APP: variants seen among roughly 807,000 people sequenced by gnomAD.
The protein encoded by APP is amyloid-beta precursor protein.
Under a neutral mutation model 101.4 loss-of-function variants are expected in APP, and 31 were observed. That is an observed-to-expected ratio of 0.31 (90% CI 0.23 to 0.41). The LOEUF (loss-of-function observed/expected upper bound fraction) is 0.41, where lower values mean the gene tolerates loss of function less well. Among genes scored for constraint, APP ranks in the 10% least tolerant of loss-of-function variants. The pLI is 1.00. For synonymous variants in APP, 366 were observed against 364.4 expected, an observed-to-expected ratio of 1.00 and a Z score of -0.05; for missense variants, 839 against 1,003.7, an observed-to-expected ratio of 0.84 and a Z score of 2.22.
chr21:26,090,577 G>A (rs1429518080), intron 2 of APP, among the ~76,000 whole-genome samples: 2 of 152,172 alleles, frequency 1.3e-5, no homozygotes, highest in African/African-American at 4.8e-5. Context: ...TTCCAGGGGA[G>A]CTAAAATAGA....
chr21:26,116,261 A>G (rs1173811528), intron 1 of APP, among the ~76,000 whole-genome samples: 2 of 152,220 alleles, frequency 1.3e-5, no homozygotes, highest in Non-Finnish European at 2.9e-5. Flanking sequence ...TAAAAACAGA[A>G]AGAAAATATT....
At chr21:26,117,249 G>C (rs1365747375) in intron 1 of APP, among the ~76,000 whole-genome samples, 1 of 152,138 alleles carries the variant, frequency 6.6e-6, no homozygotes, top group Non-Finnish European at 1.5e-5. Context: ...CCCTTAACCT[G>C]GGCATAATTC....
intron 11 of APP, among the ~76,000 whole-genome samples, chr21:25,957,998 C>A (rs1034957844): frequency 6.6e-6 from 1 of 151,496 alleles, no homozygotes; most frequent in Non-Finnish European, 1.5e-5. Context: ...TTAAAAAAAA[C>A]AAAAAACAAA....
intron 3 of APP, among the ~76,000 whole-genome samples, chr21:26,073,728 A>T (rs149496067): frequency 6.6e-6 from 1 of 152,322 alleles, no homozygotes; most frequent in African/African-American, 2.4e-5. Flanking sequence ...GAAGTCAAAG[A>T]TCAGATACAA....
chr21:26,039,532 C>G (rs1427947489), intron 5 of APP, among the ~76,000 whole-genome samples: 3 of 152,190 alleles, frequency 2.0e-5, no homozygotes, highest in African/African-American at 7.2e-5. Context: ...TCAAACTATA[C>G]TTTTGAATAC....
intron 3 of APP, among the ~76,000 whole-genome samples, chr21:26,079,945 G>A (rs576657122): frequency 2.0e-5 from 3 of 152,174 alleles, no homozygotes; most frequent in Admixed American, 2.0e-4. Flanking sequence ...CCAACATGGT[G>A]AAACCCTGTC....
At chr21:26,058,523 AAGAC>A (rs1568922612) in intron 3 of APP, among the ~76,000 whole-genome samples, 1 of 152,240 alleles carries the variant, frequency 6.6e-6, no homozygotes, top group Non-Finnish European at 1.5e-5. Flanking sequence ...GTCTTTTCAA[AAGAC>A]AGACAGAATT....
chr21:26,057,494 CACACA>C (rs1297001966), intron 3 of APP, among the ~76,000 whole-genome samples: 7 of 152,094 alleles, frequency 4.6e-5, no homozygotes, highest in African/African-American at 1.4e-4. Flanking sequence ...CACACACACA[CACACA>C]CCCAACTGAA....
chr21:25,973,491 G>C (rs753123870), intron 11 of APP, among the ~76,000 whole-genome samples: 13 of 152,192 alleles, frequency 8.5e-5, no homozygotes, highest in African/African-American at 1.2e-4. Flanking sequence ...CATTTCATAA[G>C]AAGAGGCTCA....
intron 3 of APP, among the ~76,000 whole-genome samples, chr21:26,078,817 G>A (rs886575771): frequency 4.6e-5 from 7 of 152,108 alleles, no homozygotes; most frequent in African/African-American, 7.2e-5. Flanking sequence ...AGGCCGAGGC[G>A]CGGATCACCT....
At chr21:26,162,189 T>G (rs1414256595) in intron 1 of APP, among the ~76,000 whole-genome samples, 1 of 152,166 alleles carries the variant, frequency 6.6e-6, no homozygotes, top group Non-Finnish European at 1.5e-5. Flanking sequence ...ATTAGTCAGA[T>G]GTGGTGGCAC....
intron 1 of APP, among the ~76,000 whole-genome samples, chr21:26,148,943 A>G (rs1034724156): frequency 6.6e-6 from 1 of 152,236 alleles, no homozygotes; most frequent in African/African-American, 2.4e-5. Flanking sequence ...ACTCAGATCC[A>G]AGGTCTGAAT....
chr21:25,914,893 A>G (rs2039278939), intron 13 of APP, among the ~76,000 whole-genome samples: 1 of 152,070 alleles, frequency 6.6e-6, no homozygotes, highest in Admixed American at 6.5e-5. Context: ...TAGTATTTCT[A>G]TTGTTTGTTT....
At chr21:26,053,053 G>A (rs1281737584) in intron 4 of APP, among the ~76,000 whole-genome samples, 183 bp downstream of exon 4, 1 of 152,076 alleles carries the variant, frequency 6.6e-6, no homozygotes, top group East Asian at 1.9e-4. Context: ...TTTTCTGTTC[G>A]ATTTTGCTGT....
At chr21:25,883,052 T>C (rs2037091317) in intron 17 of APP, among the ~76,000 whole-genome samples, 1 of 152,070 alleles carries the variant, frequency 6.6e-6, no homozygotes, top group Admixed American at 6.5e-5. Context: ...GGTCTCGAGA[T>C]GGAGCTAGAT....
chr21:25,882,847 G>A lies in APP; in HGVS notation c.2212-1076C>T, dbSNP rs138500277. On this transcript the variant is annotated intron_variant, in intron 17 of 17. Transcript: ENST00000346798. The stretch of plus-strand genomic sequence containing the variant: ...TTCAAAGGGATATTTCCTAGAATGG[G>A]CTGCTCATTCATCTCTGGGAGAATA... Among the ~76,000 whole-genome samples the A allele has an allele frequency of 1.6e-3, 251 of 152,254 alleles. 1 individual carries two copies. Among genetic ancestry groups the A allele is most frequent in the Non-Finnish European group, 2.3e-3 (154 of 68,018 alleles).
In APP at chr21:26,021,821, C is replaced by T. The variant is rs1471512466; in HGVS notation, c.865+19G>A. 1.2e-6 allele frequency: 2 copies of T among 1,611,288 alleles called. No individual in the cohort carries two copies. The highest frequency in any genetic ancestry group is 2.7e-5 in the African/African-American group (2 of 74,822). On this transcript the variant is annotated intron_variant, in intron 6 of 17. Transcript: ENST00000346798. ...CTTTTCCTTGGGGGTGGGGGGAATC[C>T]AAGCAAATGGTGGATTACCTCGAAC...
At chr21:25,951,367 GA>G (rs2041067793) in intron 13 of APP, among the ~76,000 whole-genome samples, 1 of 152,170 alleles carries the variant, frequency 6.6e-6, no homozygotes, top group African/African-American at 2.4e-5. Flanking sequence ...CCAGACTGGT[GA>G]AAACCTCTTA....
chr21:26,133,856 C>T (rs1225196583), intron 1 of APP, among the ~76,000 whole-genome samples: 2 of 152,170 alleles, frequency 1.3e-5, no homozygotes, highest in African/African-American at 2.4e-5. Flanking sequence ...TAAGAAAATG[C>T]TCTTCCACCA....
Sources: gnomAD v4.1 joint callset for allele counts (sites outside exome capture counted in the v4.1 genomes callset) on GRCh38, gnomAD v4.1.1 for gene constraint, MANE v1.5 for transcripts, NCBI Gene and HGNC (gene_info 2026-07-23, HGNC 2026-07-21) for gene names.